CSF1R: variants seen among roughly 807,000 people sequenced by gnomAD.
CSF1R encodes the protein colony stimulating factor 1 receptor, also known as macrophage colony-stimulating factor 1 receptor.
Under a neutral mutation model 110.0 loss-of-function variants are expected in CSF1R, and 40 were observed. The observed-to-expected ratio is 0.36, with a 90% confidence interval of 0.28 to 0.47. The LOEUF is 0.47. CSF1R is among the 20% of genes least tolerant of loss of function. The pLI, the probability that CSF1R is intolerant of heterozygous loss-of-function variation, is 0.99. For missense variants in CSF1R, 1,052 were observed against 1,253.0 expected (o/e 0.84, Z 2.42); for synonymous variants, 523 against 503.4 (o/e 1.04, Z -0.52).
chr5:150,085,544 T>C (rs929700468), intron 1 of CSF1R, among the ~76,000 whole-genome samples: 8 of 152,026 alleles, frequency 5.3e-5, no homozygotes, highest in African/African-American at 1.9e-4. Context: ...TCATGTTCCC[T>C]CCCAGATGGA....
chr5:150,073,045 T>A (rs1758094139), intron 6 of CSF1R, among the ~76,000 whole-genome samples: 1 of 151,970 alleles, frequency 6.6e-6, no homozygotes, highest in South Asian at 2.1e-4. Context: ...TCCCAAGAAA[T>A]GGTAGAATCC....
intron 6 of CSF1R, among the ~76,000 whole-genome samples, chr5:150,070,972 G>A (rs73275643): frequency 0.016 from 2,507 of 152,270 alleles, 70 homozygotes; most frequent in African/African-American, 0.057. Flanking sequence ...CAGGATGTAG[G>A]GCCCTGGGTT....
At chr5:150,110,455 A>G (rs1759683592) in intron 1 of CSF1R, among the ~76,000 whole-genome samples, 1 of 152,202 alleles carries the variant, frequency 6.6e-6, no homozygotes, top group Non-Finnish European at 1.5e-5. Flanking sequence ...AGCATTTTGC[A>G]TTTCTGACAT....
rs959559690 is a variant in CSF1R, at chr5:150,057,270, G to T, written c.2319+17C>A. ...CAGACCTGGGTGGCTATGAGCCAGG[G>T]CCAGGTTCCTACTCACATTCTTGGA... On this transcript the variant is annotated intron_variant, in intron 16 of 20. Coordinates refer to ENST00000675795, the MANE Select transcript of CSF1R (RefSeq NM_001288705.3). 1.2e-6 allele frequency: 2 copies of T among 1,608,864 alleles called. No individual in the cohort carries two copies. Among genetic ancestry groups the T allele is most frequent in the African/African-American group, 2.7e-5 (2 of 74,796 alleles).
chr5:150,098,889 ACT>A (rs1491447809), intron 1 of CSF1R, among the ~76,000 whole-genome samples: 3 of 133,052 alleles, frequency 2.3e-5, no homozygotes, highest in African/African-American at 8.4e-5. Flanking sequence ...AATACAAACA[ACT>A]TTTTTTTTTT....
intron 10 of CSF1R, among the ~76,000 whole-genome samples, chr5:150,065,500 G>A (rs1413094837): frequency 6.6e-6 from 1 of 152,212 alleles, no homozygotes; most frequent in African/African-American, 2.4e-5. Context: ...TCAGCCCTGA[G>A]GCAGAACAAA....
chr5:150,088,981 T>C (rs1210547208), upstream of CSF1R, among the ~76,000 whole-genome samples: 1 of 152,210 alleles, frequency 6.6e-6, no homozygotes, highest in African/African-American at 2.4e-5. Context: ...CATATGATCA[T>C]GTCACTTGAT....
intron 16 of CSF1R, 25 bp from the exon 17 acceptor site, chr5:150,056,366 G>A (rs1757219870): frequency 1.2e-6 from 2 of 1,613,712 alleles, no homozygotes; most frequent in African/African-American, 1.3e-5. Context: ...TGCAGGGTTA[G>A]TCTTGGGCCT....
chr5:150,060,893 G>T lies in CSF1R; in HGVS notation c.1938C>A (p.Ile646=). 6.2e-7 allele frequency: 1 copy of T among 1,611,156 alleles called. No homozygotes were observed. The highest frequency in any genetic ancestry group is 8.5e-7 in the Non-Finnish European group (1 of 1,178,744). ...GGGTACAGGCTCCCAGAAGGTTGACGATGTTCTCGTGCTGGCCCAGGTGGC... is the reference window on the plus strand; with the variant it reads ...GGGTACAGGCTCCCAGAAGGTTGACTATGTTCTCGTGCTGGCCCAGGTGGC... ...IMSHLGQHEN[I]VNLLGACTHG... Residue 646 remains isoleucine, a synonymous_variant, in exon 13 of 21, where the codon ATC becomes ATA. Transcript: ENST00000675795.
At chr5:150,058,709 C>T (rs1757363755) in intron 14 of CSF1R, among the ~76,000 whole-genome samples, 1 of 151,942 alleles carries the variant, frequency 6.6e-6, no homozygotes, top group Non-Finnish European at 1.5e-5. Flanking sequence ...TTTTAAGGCC[C>T]TGGGTGAAGA....
intron 1 of CSF1R, among the ~76,000 whole-genome samples, chr5:150,112,739 T>A (rs991998360): frequency 1.3e-5 from 2 of 152,104 alleles, no homozygotes; most frequent in African/African-American, 2.4e-5. Flanking sequence ...CCGTCGGGTA[T>A]TTTCCCTGGT....
chr5:150,063,046 G>T (rs1757601631), intron 10 of CSF1R, among the ~76,000 whole-genome samples: 1 of 151,860 alleles, frequency 6.6e-6, no homozygotes, highest in Non-Finnish European at 1.5e-5. Context: ...TCCAAGACAG[G>T]ATCTCTGTCC....
At chr5:150,094,477 A>G in intron 1 of CSF1R, 1 of 1,599,082 alleles carries the variant, frequency 6.3e-7, no homozygotes, top group Non-Finnish European at 8.5e-7. Context: ...CACTATCACA[A>G]GGAATATAGG....
At chr5:150,080,614 A>G (rs1425460796) in intron 2 of CSF1R, among the ~76,000 whole-genome samples, 153 bp downstream of exon 2, 2 of 152,200 alleles carry the variant, frequency 1.3e-5, no homozygotes, top group African/African-American at 4.8e-5. Flanking sequence ...GGTTGTTGTG[A>G]GGACTGCATT....
rs2113824315 is a variant in CSF1R, at chr5:150,077,342, T to A, written c.823A>T (p.Asn275Tyr). ...LDQVDFQHAG[N>Y]YSCVASNVQG... is the part of the protein sequence containing the mutation. Reference sequence around the variant, plus strand: ...ACGTTGCTGGCCACGCAGGAGTAGTTGCCGGCATGTTGGAAATCTACTTGA... The same window carrying A: ...ACGTTGCTGGCCACGCAGGAGTAGTAGCCGGCATGTTGGAAATCTACTTGA... Residue 275 changes from asparagine to tyrosine, a missense_variant, in exon 5 of 21, where the codon AAC becomes TAC. Coordinates refer to ENST00000675795, the MANE Select transcript of CSF1R (RefSeq NM_001288705.3). 6.2e-7 allele frequency: 1 copy of A among 1,614,216 alleles called. No individual in the cohort carries two copies. Among genetic ancestry groups the A allele is most frequent in the Non-Finnish European group, 8.5e-7 (1 of 1,180,036 alleles).
At chr5:150,055,810 GACAA>G (rs1297961000) in intron 18 of CSF1R, among the ~76,000 whole-genome samples, 1 of 152,248 alleles carries the variant, frequency 6.6e-6, no homozygotes, top group Non-Finnish European at 1.5e-5. Context: ...ACTGAGCAGA[GACAA>G]ACGAGGGAAG....
At chr5:150,103,417 C>T (rs751268391) in intron 1 of CSF1R, among the ~76,000 whole-genome samples, 10 of 152,208 alleles carry the variant, frequency 6.6e-5, no homozygotes, top group Non-Finnish European at 1.3e-4. Context: ...CACTTGTGGT[C>T]CCCGGAGGTA....
At position 150,080,325 on chromosome 5, in the gene CSF1R, G is replaced by A. The variant is rs1448806718; in HGVS notation, c.319C>T (p.Pro107Ser). The change falls in exon 3 of 21, where the codon CCC becomes TCC. Residue 107 changes from proline (P) to serine (S), a missense_variant. Coordinates refer to ENST00000675795, the MANE Select transcript of CSF1R (RefSeq NM_001288705.3). ...IHLYVKDPAR[P>S]WNVLAQEVVV... is the part of the protein sequence containing the mutation. ...ACCTCCTGTGCTAGCACGTTCCAGGGCCGGGCAGGGTCTAGAGTAGAGGAG... is the reference window on the plus strand; with the variant it reads ...ACCTCCTGTGCTAGCACGTTCCAGGACCGGGCAGGGTCTAGAGTAGAGGAG... 6.2e-7 allele frequency: 1 copy of A among 1,613,300 alleles called. No homozygotes were observed. The highest frequency in any genetic ancestry group is 8.5e-7 in the Non-Finnish European group (1 of 1,179,876).
chr5:150,057,647 C>T, intron 14 of CSF1R, 55 bp from the exon 15 acceptor site: 1 of 1,389,834 alleles, frequency 7.2e-7, no homozygotes, highest in South Asian at 1.2e-5. Context: ...CTGCACTGCT[C>T]AGCTCAGGCC....
Sources: gnomAD v4.1 joint callset for allele counts (sites outside exome capture counted in the v4.1 genomes callset) on GRCh38, gnomAD v4.1.1 for gene constraint, MANE v1.5 for transcripts, NCBI Gene and HGNC (gene_info 2026-07-23, HGNC 2026-07-21) for gene names.